DNAH9: variants seen among roughly 807,000 people sequenced by gnomAD.
DNAH9 encodes dynein axonemal heavy chain 9, also known as DNAH9 variant protein.
Under a neutral mutation model 471.6 loss-of-function variants are expected in DNAH9, and 345 were observed. That is an observed-to-expected ratio of 0.73 (90% CI 0.67 to 0.80). The LOEUF is 0.80. Ranked by LOEUF, DNAH9 falls within the 30% of genes least tolerant of loss-of-function variation. The probability of loss-of-function intolerance (pLI) is 0.00; values close to 1 mark genes in which losing one functional copy is unlikely to be tolerated. For missense variants in DNAH9, 5,407 were observed against 5,609.2 expected, an observed-to-expected ratio of 0.96 and a Z score of 1.15; for synonymous variants, 2,093 against 2,123.6, an observed-to-expected ratio of 0.99 and a Z score of 0.40.
chr17:11,623,563 G>A lies in DNAH9; in HGVS notation c.1350+3782G>A, dbSNP rs2072915694. On this transcript the variant is annotated intron_variant, in intron 6 of 68. Transcript: ENST00000262442. This position sits in a 1 kb window ranked among gnomAD's most constrained non-coding sequence, Gnocchi z 4.1. ...CCCCCAGCTCTTGCCTCCTGAGTCT[G>A]TGCAGTGGAACACAGGACTATCAGC... Among the ~76,000 whole-genome samples, 1 of 152,012 alleles carries A rather than the reference G, an allele frequency of 6.6e-6. No individual in the cohort carries two copies. The highest frequency in any genetic ancestry group is 1.5e-5 in the Non-Finnish European group (1 of 68,024).
At chr17:11,713,076 C>T (rs566078857) in intron 26 of DNAH9, among the ~76,000 whole-genome samples, 2 of 152,134 alleles carry the variant, frequency 1.3e-5, no homozygotes, top group South Asian at 4.2e-4. Context: ...CAAGTAGACT[C>T]TAGTATCTGT....
At chr17:11,757,128 G>T (rs2150859162) in intron 34 of DNAH9, among the ~76,000 whole-genome samples, 1 of 152,254 alleles carries the variant, frequency 6.6e-6, no homozygotes, top group East Asian at 1.9e-4. Context: ...AGGGGCAGAT[G>T]TTGGTCAATG....
chr17:11,912,398 GA>G (rs1487007846), intron 61 of DNAH9, among the ~76,000 whole-genome samples: 1 of 152,058 alleles, frequency 6.6e-6, no homozygotes, highest in Non-Finnish European at 1.5e-5. Flanking sequence ...GATCTAAGGG[GA>G]AAAAAATCAG....
At position 11,647,080 on chromosome 17, in the gene DNAH9, C is replaced by T; in HGVS notation, c.1979C>T (p.Thr660Ile). Reference protein sequence around the residue: ...DMLSLLEKYETRLYEDWCRTV... With the variant: ...DMLSLLEKYEIRLYEDWCRTV... Reference sequence around the variant, plus strand: ...GTCTCTGACCCTTGCAGGTATGAGACAAGACTTTATGAGGATTGGTGCCGG... The same window carrying T: ...GTCTCTGACCCTTGCAGGTATGAGATAAGACTTTATGAGGATTGGTGCCGG... Residue 660 changes from threonine (T) to isoleucine (I), a missense_variant, in exon 12 of 69, where the codon ACA (threonine) becomes ATA (isoleucine). Transcript: ENST00000262442. 1.9e-6 allele frequency: 3 copies of T among 1,613,856 alleles called. No homozygotes were observed. Among genetic ancestry groups the T allele is most frequent in the Non-Finnish European group, 2.5e-6 (3 of 1,179,886 alleles).
chr17:11,810,785 C>T (rs1331644554), intron 45 of DNAH9, among the ~76,000 whole-genome samples: 3 of 152,128 alleles, frequency 2.0e-5, no homozygotes, highest in African/African-American at 7.2e-5. Context: ...AGCATGCACG[C>T]GTAAAACTTA....
At chr17:11,753,677 C>G (rs1455424238) in intron 33 of DNAH9, among the ~76,000 whole-genome samples, 3 of 152,174 alleles carry the variant, frequency 2.0e-5, no homozygotes, top group Non-Finnish European at 4.4e-5. Context: ...CAAAAACTAG[C>G]TGGTGGCTGT....
At position 11,598,548 on chromosome 17, in the gene DNAH9, G is replaced by C; in HGVS notation, c.50G>C (p.Gly17Ala). ...GCGCTCGCGGCGGAGAACGCGGATG[G>C]GGAACCCGGCGCCGACCGACGACTG... ...RAALAAENAD[G>A]EPGADRRLRL... The change falls in exon 1 of 69, where the codon GGG becomes GCG. Residue 17 changes from glycine to alanine, a missense_variant. Gly to Ala is a moderately conservative substitution (Grantham distance 60). Transcript: ENST00000262442. 1 of 1,409,738 alleles carries C rather than the reference G, an allele frequency of 7.1e-7. No individual in the cohort carries two copies. Among genetic ancestry groups the C allele is most frequent in the Non-Finnish European group, 9.2e-7 (1 of 1,089,650 alleles). 87.3% of individuals were successfully genotyped at this position (1,409,738 alleles called of 1,614,324 possible).
intron 1 of DNAH9, among the ~76,000 whole-genome samples, 176 bp from the exon 2 acceptor site, chr17:11,607,953 C>T (rs1390720418): frequency 6.6e-6 from 1 of 152,174 alleles, no homozygotes; most frequent in Non-Finnish European, 1.5e-5. Flanking sequence ...TCAAGGGCTT[C>T]CCCAATTTAC....
At chr17:11,637,639 A>G (rs906825151) in intron 9 of DNAH9, among the ~76,000 whole-genome samples, 11 of 152,192 alleles carry the variant, frequency 7.2e-5, no homozygotes, top group Non-Finnish European at 1.5e-4. Flanking sequence ...ACATTCCTAT[A>G]GTCAGTCGCA....
At chr17:11,622,792 A>C (rs1317990656) in intron 6 of DNAH9, among the ~76,000 whole-genome samples, 2 of 152,048 alleles carry the variant, frequency 1.3e-5, no homozygotes, top group Non-Finnish European at 2.9e-5. Context: ...TGCTTTCTGA[A>C]TCAAGGGCAC....
intron 53 of DNAH9, chr17:11,875,619 C>T (rs1214815990): frequency 1.3e-5 from 2 of 156,946 alleles, no homozygotes; most frequent in Non-Finnish European, 2.8e-5. Flanking sequence ...CAAAACTCTC[C>T]TCCTGAGGCA....
At chr17:11,681,716 A>G (rs532464445) in intron 19 of DNAH9, among the ~76,000 whole-genome samples, 77 of 152,330 alleles carry the variant, frequency 5.1e-4, no homozygotes, top group African/African-American at 1.8e-3. Context: ...CGATGCTTAC[A>G]GTGAGGAATG....
chr17:11,742,101 C>A, intron 29 of DNAH9, 74 bp from the exon 30 acceptor site: 5 of 1,413,002 alleles, frequency 3.5e-6, no homozygotes, highest in Non-Finnish European at 3.9e-6. Context: ...TCGGCCAGTG[C>A]TTATTTTCTT....
chr17:11,888,415 A>G (rs182755966), intron 57 of DNAH9, among the ~76,000 whole-genome samples: 3 of 152,154 alleles, frequency 2.0e-5, no homozygotes, highest in Admixed American at 2.0e-4. Flanking sequence ...CCACAGGATC[A>G]CCCCCCTGGT....
intron 57 of DNAH9, among the ~76,000 whole-genome samples, chr17:11,891,172 G>T (rs1028823892): frequency 1.3e-5 from 2 of 152,146 alleles, no homozygotes. Flanking sequence ...AGCAGGCTAC[G>T]CTCCCTGCAT....
At chr17:11,836,651 C>T (rs1328613760) in intron 49 of DNAH9, among the ~76,000 whole-genome samples, 1 of 152,142 alleles carries the variant, frequency 6.6e-6, no homozygotes, top group Non-Finnish European at 1.5e-5. Flanking sequence ...CTGTACCCAC[C>T]CCCTTCCTCA....
At chr17:11,730,187 G>T (rs1281028637) in intron 28 of DNAH9, among the ~76,000 whole-genome samples, 2 of 152,144 alleles carry the variant, frequency 1.3e-5, no homozygotes, top group African/African-American at 4.8e-5. Flanking sequence ...TGGCTAGCCT[G>T]GACACTCTTG....
chr17:11,598,990 C>T (rs1227315359), intron 1 of DNAH9, 75 bp downstream of exon 1: 96 of 186,112 alleles, frequency 5.2e-4, no homozygotes, highest in Non-Finnish European at 7.6e-4. Flanking sequence ...GGGACGGAGG[C>T]GGGGCCAGAG....
At chr17:11,954,200 A>G (rs1047628220) in intron 67 of DNAH9, among the ~76,000 whole-genome samples, 9 of 151,888 alleles carry the variant, frequency 5.9e-5, no homozygotes, top group Non-Finnish European at 1.3e-4. Context: ...TCTAACATAC[A>G]TGTAATTGGT....
Sources: allele counts gnomAD v4.1 joint callset (sites outside exome capture counted in the v4.1 genomes callset), GRCh38; gene constraint gnomAD v4.1.1; non-coding constraint Gnocchi (gnomAD v3.1); transcripts MANE v1.5; gene names NCBI Gene and HGNC (gene_info 2026-07-23, HGNC 2026-07-21).